The following PDE8B variants were observed in gnomAD, a reference collection of about 807,000 sequenced individuals.
PDE8B encodes high affinity cAMP-specific and IBMX-insensitive 3',5'-cyclic phosphodiesterase 8B.
In PDE8B, 26 loss-of-function variants were observed where a neutral mutation model predicts 101.3. That is an observed-to-expected ratio of 0.26 (90% CI 0.19 to 0.36). PDE8B has a LOEUF of 0.36. Ranked by LOEUF, PDE8B falls within the 10% of genes least tolerant of loss-of-function variation. The pLI is 1.00. For missense variants in PDE8B, 810 were observed against 1,163.1 expected (o/e 0.70, Z 4.42); for synonymous variants, 424 against 429.3 (o/e 0.99, Z 0.15).
the PDE8B span, among the ~76,000 whole-genome samples, chr5:77,194,133 GC>G: frequency 6.6e-6 from 1 of 151,894 alleles, no homozygotes; most frequent in Non-Finnish European, 1.5e-5. Context: ...TCTTTTTCTT[GC>G]TTTATTTTAT....
intron 10 of PDE8B, among the ~76,000 whole-genome samples, chr5:77,368,328 T>A (rs572467907): frequency 6.6e-6 from 1 of 152,334 alleles, no homozygotes; most frequent in South Asian, 2.1e-4. Flanking sequence ...ATAAGGTCTG[T>A]CTTGCTGACT....
At chr5:77,412,903 G>A (rs1434640958) in intron 16 of PDE8B, among the ~76,000 whole-genome samples, 9 of 152,158 alleles carry the variant, frequency 5.9e-5, no homozygotes, top group Non-Finnish European at 1.3e-4. Flanking sequence ...TAATTTGGAT[G>A]TACTACCATG....
chr5:77,121,348 T>C, the PDE8B span, among the ~76,000 whole-genome samples: 3 of 152,174 alleles, frequency 2.0e-5, no homozygotes, highest in Non-Finnish European at 2.9e-5. Context: ...ACATGGCACA[T>C]GGCATCCCCC....
intron 8 of PDE8B, 94 bp downstream of exon 8, chr5:77,349,653 T>C: frequency 7.4e-7 from 1 of 1,358,098 alleles, no homozygotes; most frequent in South Asian, 1.2e-5. Flanking sequence ...TTAGCTTTTT[T>C]AATAATGTCA....
the PDE8B span, among the ~76,000 whole-genome samples, chr5:77,166,226 T>TAAAAAAAAAAAAA: frequency 2.6e-5 from 3 of 116,338 alleles, no homozygotes; most frequent in Non-Finnish European, 3.5e-5. Context: ...TCGGTAAAGA[T>TAAAAAAAAAAAAA]AAAAAAAAAA....
upstream of PDE8B, among the ~76,000 whole-genome samples, chr5:77,207,010 G>A (rs766278812): frequency 1.3e-5 from 2 of 152,208 alleles, no homozygotes; most frequent in Non-Finnish European, 2.9e-5. Flanking sequence ...AGCCACAAGA[G>A]GCAGAACTCG....
the PDE8B span, among the ~76,000 whole-genome samples, chr5:77,193,279 A>G: frequency 6.6e-6 from 1 of 152,066 alleles, no homozygotes; most frequent in Non-Finnish European, 1.5e-5. Context: ...TCCTATGTTT[A>G]CTTCTAGAAG....
chr5:77,124,303 A>T, the PDE8B span, among the ~76,000 whole-genome samples: 3 of 152,210 alleles, frequency 2.0e-5, no homozygotes, highest in Non-Finnish European at 2.9e-5. Context: ...TATTGGAAAT[A>T]TGTTGGCTAG....
intron 1 of PDE8B, among the ~76,000 whole-genome samples, chr5:77,216,478 C>T (rs1271352546): frequency 6.6e-6 from 1 of 152,152 alleles, no homozygotes; most frequent in Non-Finnish European, 1.5e-5. Context: ...GAGACTTATT[C>T]ACTATCATGA....
intron 10 of PDE8B, among the ~76,000 whole-genome samples, chr5:77,389,889 A>G: frequency 6.6e-6 from 1 of 152,130 alleles, no homozygotes; most frequent in South Asian, 2.1e-4. Context: ...GGCTGCTTTG[A>G]ACATTCTTGG....
chr5:77,251,225 A>G (rs999884228), intron 1 of PDE8B, among the ~76,000 whole-genome samples: 8 of 152,196 alleles, frequency 5.3e-5, no homozygotes, highest in African/African-American at 1.2e-4. Context: ...AGAAGTGGCA[A>G]TTCTGAGGAT....
At chr5:77,378,288 GTC>G (rs957620688) in intron 10 of PDE8B, among the ~76,000 whole-genome samples, 99 of 151,790 alleles carry the variant, frequency 6.5e-4, no homozygotes, top group African/African-American at 2.3e-3. Context: ...GTGAAACCCT[GTC>G]TCTACTAAAA....
the PDE8B span, chr5:77,145,197 A>G: frequency 6.6e-6 from 1 of 152,166 alleles, no homozygotes; most frequent in African/African-American, 2.4e-5. Flanking sequence ...AATCATCACA[A>G]TGATACATAT....
intron 10 of PDE8B, among the ~76,000 whole-genome samples, chr5:77,355,481 C>T (rs963934316): frequency 2.6e-5 from 4 of 152,120 alleles, no homozygotes; most frequent in African/African-American, 7.2e-5. Flanking sequence ...TGGGGTTTAG[C>T]CCTGATGTCA....
chr5:77,423,631 AGT>A (rs1797202973), intron 20 of PDE8B, among the ~76,000 whole-genome samples: 4 of 26,616 alleles, frequency 1.5e-4, no homozygotes, highest in Non-Finnish European at 2.4e-4. Context: ...TGTTTTGTTT[AGT>A]TTTTTTTTTT....
intron 13 of PDE8B, 62 bp from the exon 14 acceptor site, chr5:77,408,831 A>G: frequency 7.6e-7 from 1 of 1,309,220 alleles, no homozygotes; most frequent in Non-Finnish European, 1.1e-6. Context: ...CTGGGCATAT[A>G]TATGACTTTT....
At chr5:77,344,046 G>A (rs971688337) in intron 6 of PDE8B, among the ~76,000 whole-genome samples, 14 of 152,216 alleles carry the variant, frequency 9.2e-5, no homozygotes, top group Non-Finnish European at 1.9e-4. Context: ...CACCTTCTAT[G>A]ATAACAATGC....
intron 1 of PDE8B, among the ~76,000 whole-genome samples, chr5:77,233,430 C>G (rs550314750): frequency 6.6e-6 from 1 of 152,232 alleles, no homozygotes; most frequent in African/African-American, 2.4e-5. Flanking sequence ...GAGAGAAAAC[C>G]TGCTCTTTTG....
chr5:77,404,698 C>G (rs1253270500), intron 11 of PDE8B, 22 bp from the exon 12 acceptor site: 2 of 1,430,224 alleles, frequency 1.4e-6, no homozygotes, highest in East Asian at 4.6e-5. Context: ...ATCACCTTCC[C>G]TTTCTAATCT....
Sources: gnomAD v4.1 joint callset for allele counts (sites outside exome capture counted in the v4.1 genomes callset) on GRCh38, gnomAD v4.1.1 for gene constraint, MANE v1.5 for transcripts, NCBI Gene and HGNC (gene_info 2026-07-23, HGNC 2026-07-21) for gene names.